The following TCF20 variants were observed in gnomAD, a reference collection of about 807,000 sequenced individuals.
The protein encoded by TCF20 is SPRE-binding protein.
In TCF20, 3 loss-of-function variants were observed where a neutral mutation model predicts 148.6. That is an observed-to-expected ratio of 0.02 (90% CI 0.01 to 0.05). TCF20 has a LOEUF of 0.05. TCF20 is among the 10% of genes least tolerant of loss of function. The pLI is 1.00. For missense variants in TCF20, 2,350 were observed against 2,429.3 expected, an observed-to-expected ratio of 0.97 and a Z score of 0.69; for synonymous variants, 1,049 against 909.5, an observed-to-expected ratio of 1.15 and a Z score of -2.76.
At position 42,214,956 on chromosome 22, in the gene TCF20, C is replaced by T. The variant is rs1177935509; in HGVS notation, c.350G>A (p.Ser117Asn). ...PQRRPSGPVQ[S>N]YGPPQGSSFG... Reference sequence around the variant, plus strand: ...GCTGCTCCCCTGGGGGGGTCCATAGCTCTGCACAGGCCCAGAAGGCCTTCG... The same window carrying T: ...GCTGCTCCCCTGGGGGGGTCCATAGTTCTGCACAGGCCCAGAAGGCCTTCG... Residue 117 changes from serine to asparagine, a missense_variant, in exon 2 of 6, where the codon AGC becomes AAC. By Grantham distance (46) the Ser-to-Asn change is conservative. This residue lies in a region of TCF20 where 1,641 missense variants were observed against 1,662.6 expected (regional missense o/e 0.99). Transcript: ENST00000677622. 2.5e-6 allele frequency: 4 copies of T among 1,614,234 alleles called. No homozygotes were observed. Among genetic ancestry groups the T allele is most frequent in the Non-Finnish European group, 2.5e-6 (3 of 1,180,032 alleles).
chr22:42,216,123 T>C (rs1921773403), intron 1 of TCF20, among the ~76,000 whole-genome samples: 1 of 108,678 alleles, frequency 9.2e-6, no homozygotes, highest in African/African-American at 3.5e-5. Flanking sequence ...AAGGTCTCAC[T>C]CTTGCCCAGG....
At chr22:42,239,595 C>G (rs1428410302) in intron 1 of TCF20, among the ~76,000 whole-genome samples, 2 of 152,120 alleles carry the variant, frequency 1.3e-5, no homozygotes. Flanking sequence ...CCAGACCAGT[C>G]TGGCCAACAC....
At chr22:42,253,258 T>C (rs1010500310) in intron 1 of TCF20, among the ~76,000 whole-genome samples, 1 of 152,350 alleles carries the variant, frequency 6.6e-6, no homozygotes, top group African/African-American at 2.4e-5. Context: ...GAGTTCTACA[T>C]GATCAGTGTT....
chr22:42,285,478 A>G (rs1442235754), upstream of TCF20, among the ~76,000 whole-genome samples: 1 of 152,004 alleles, frequency 6.6e-6, no homozygotes, highest in Non-Finnish European at 1.5e-5. The surrounding 1 kb of genome is among the most constrained non-coding windows in gnomAD (Gnocchi z 4.2). Flanking sequence ...CTGCGTCTGC[A>G]TTTAGGACCT....
intron 3 of TCF20, among the ~76,000 whole-genome samples, chr22:42,172,909 G>A (rs964141901): frequency 2.0e-5 from 3 of 152,192 alleles, no homozygotes; most frequent in Non-Finnish European, 2.9e-5. Context: ...CCATAAGGAG[G>A]GAAATATGGG....
intron 2 of TCF20, among the ~76,000 whole-genome samples, chr22:42,185,934 CAG>C (rs1188138565): frequency 1.3e-5 from 2 of 152,232 alleles, no homozygotes; most frequent in Admixed American, 1.3e-4. Context: ...CTCAGAGGGA[CAG>C]AGACTTGTCC....
rs142437509 is a variant in TCF20 at position 42,174,851 on chromosome 22, C to T, written c.5749+4758G>A. Among the ~76,000 whole-genome samples the T allele has an allele frequency of 4.3e-3, 656 of 152,038 alleles. 25 individuals carry two copies. In the East Asian group the frequency reaches 0.11, roughly 26 times the overall value. On this transcript the variant is annotated intron_variant, in intron 3 of 5. Coordinates refer to ENST00000677622, the MANE Select transcript of TCF20 (RefSeq NM_001378418.1). ...GAGATCGAGACCATCCCGGCTAACACGGTGAAACCCCGTCTCTACTAAAAA... is the reference window on the plus strand; with the variant it reads ...GAGATCGAGACCATCCCGGCTAACATGGTGAAACCCCGTCTCTACTAAAAA...
chr22:42,267,462 G>A (rs1160586703), intron 1 of TCF20, among the ~76,000 whole-genome samples: 1 of 152,188 alleles, frequency 6.6e-6, no homozygotes, highest in Non-Finnish European at 1.5e-5. Flanking sequence ...CAGCACTTTG[G>A]GGGCCCAAGG....
intron 1 of TCF20, among the ~76,000 whole-genome samples, chr22:42,229,497 A>C (rs1923204390): frequency 6.6e-6 from 1 of 151,642 alleles, no homozygotes; most frequent in Non-Finnish European, 1.5e-5. Context: ...TAACTAGGAC[A>C]CTGTTCTATC....
intron 1 of TCF20, among the ~76,000 whole-genome samples, chr22:42,216,660 AG>A (rs1921837212): frequency 6.6e-6 from 1 of 152,210 alleles, no homozygotes; most frequent in African/African-American, 2.4e-5. Flanking sequence ...TGTATTTGCC[AG>A]TTTTTTAAAT....
At chr22:42,206,862 C>T (rs1402761685) in intron 2 of TCF20, among the ~76,000 whole-genome samples, 2 of 152,176 alleles carry the variant, frequency 1.3e-5, no homozygotes, top group African/African-American at 4.8e-5. Context: ...TGGTAGACTA[C>T]TAAACATACA....
intron 1 of TCF20, among the ~76,000 whole-genome samples, chr22:42,227,199 C>T (rs568315918): frequency 6.6e-6 from 1 of 152,318 alleles, no homozygotes; most frequent in African/African-American, 2.4e-5. Flanking sequence ...ACAAGAATCA[C>T]TTGAACTCTG....
chr22:42,299,951 G>A lies in TCF20; in HGVS notation c.-37+43528C>T, dbSNP rs954183109. ...AGCAGAGGAAGAAAGGAGAGGAGGGGAAGGAAGGGCGGGGAGGGGGAGGGG... is the reference window on the plus strand; with the variant it reads ...AGCAGAGGAAGAAAGGAGAGGAGGGAAAGGAAGGGCGGGGAGGGGGAGGGG... On this transcript the variant is annotated intron_variant, in intron 1 of 1. Coordinates refer to the TCF20 transcript ENST00000515426. This position sits in a 1 kb window ranked among gnomAD's most constrained non-coding sequence, Gnocchi z 4.1. 2.5e-5 allele frequency among the ~76,000 whole-genome samples: 3 copies of A among 120,540 alleles called. No individual in the cohort carries two copies. The highest frequency in any genetic ancestry group is 9.3e-5 in the African/African-American group (3 of 32,308). The allele number at this position is 120,540 out of a possible 152,430, so 79.1% of individuals were successfully genotyped here.
At chr22:42,170,626 CAAAAAAAAAAAA>C (rs58579686) in intron 3 of TCF20, among the ~76,000 whole-genome samples, 9 of 72,106 alleles carry the variant, frequency 1.2e-4, no homozygotes, top group African/African-American at 4.9e-4. Flanking sequence ...GACTCCGTCT[CAAAAAAAAAAAA>C]AAAAAAAAAA....
intron 3 of TCF20, among the ~76,000 whole-genome samples, chr22:42,172,607 A>G (rs1372249714): frequency 6.6e-6 from 1 of 152,190 alleles, no homozygotes; most frequent in Non-Finnish European, 1.5e-5. Flanking sequence ...TTCAAGCTCA[A>G]AGGCAGAATG....
upstream of TCF20, among the ~76,000 whole-genome samples, chr22:42,275,404 G>A (rs530407603): frequency 2.6e-5 from 4 of 152,184 alleles, no homozygotes; most frequent in Non-Finnish European, 5.9e-5. Context: ...GCCAAGAAAC[G>A]GGAAGCCCGT....
At chr22:42,194,675 G>A (rs1937507816) in intron 2 of TCF20, among the ~76,000 whole-genome samples, 1 of 151,910 alleles carries the variant, frequency 6.6e-6, no homozygotes, top group South Asian at 2.1e-4. Context: ...AGAGAACTAA[G>A]AGAGTGCTCT....
In TCF20 at chr22:42,338,253, G is replaced by A. The variant is rs1402187490; in HGVS notation, c.-37+5226C>T. Among the ~76,000 whole-genome samples, 1 of 152,252 alleles carries A rather than the reference G, an allele frequency of 6.6e-6. No individual in the cohort carries two copies. The highest frequency in any genetic ancestry group is 1.9e-4 in the East Asian group (1 of 5,206). On this transcript the variant is annotated intron_variant, in intron 1 of 1. Transcript: ENST00000515426. This position sits in a 1 kb window ranked among gnomAD's most constrained non-coding sequence, Gnocchi z 4.0. ...TGCCCGCTCCGTGACAGCCCCAGAA[G>A]AGGGCCGGAGAAACTTTTCGTCTGA...
At chr22:42,167,263 T>C (rs1401736925) in intron 5 of TCF20, among the ~76,000 whole-genome samples, 2 of 152,152 alleles carry the variant, frequency 1.3e-5, no homozygotes, top group Admixed American at 6.5e-5. Flanking sequence ...CAGCCCCCAC[T>C]TGACTTCTCA....
Sources: allele counts gnomAD v4.1 joint callset (sites outside exome capture counted in the v4.1 genomes callset), GRCh38; gene constraint gnomAD v4.1.1; regional missense constraint gnomAD v4.1.1; non-coding constraint Gnocchi (gnomAD v3.1); transcripts MANE v1.5; gene names NCBI Gene and HGNC (gene_info 2026-07-23, HGNC 2026-07-21).